HPCAL1: variants seen among roughly 807,000 people sequenced by gnomAD.
The protein encoded by HPCAL1 is hippocalcin-like protein 1.
HPCAL1 carries 8 observed loss-of-function variants against 17.1 expected under a neutral mutation model. That is an observed-to-expected ratio of 0.47 (90% CI 0.27 to 0.84). The LOEUF (loss-of-function observed/expected upper bound fraction) is 0.84, where lower values mean the gene tolerates loss of function less well. Ranked by LOEUF, HPCAL1 falls within the 40% of genes least tolerant of loss-of-function variation. HPCAL1 has a pLI of 0.13. For synonymous variants in HPCAL1, 112 were observed against 111.4 expected (o/e 1.01, Z -0.03); for missense variants, 165 against 271.1 (o/e 0.61, Z 2.75).
intron 1 of HPCAL1, among the ~76,000 whole-genome samples, chr2:10,332,850 G>A (rs1251348432): frequency 5.9e-5 from 9 of 152,160 alleles, no homozygotes; most frequent in African/African-American, 1.2e-4. Flanking sequence ...TGTGAAGGGC[G>A]TGAGAGGCTC....
In HPCAL1 at chr2:10,377,958, G is replaced by A. The variant is rs989268224; in HGVS notation, c.-110-18877G>A. 2.6e-5 allele frequency among the ~76,000 whole-genome samples: 4 copies of A among 152,166 alleles called. No homozygotes were observed. The highest frequency in any genetic ancestry group is 1.3e-4 in the Admixed American group (2 of 15,290). ...TGCTGGTTGAGGGCACGGGTGAGGC[G>A]GGGAGGCGTTTCGACTTTGGACTGA... On this transcript the variant is annotated intron_variant, in intron 1 of 4. Transcript: ENST00000307845. The surrounding 1 kb of genome is among the most constrained non-coding windows in gnomAD (Gnocchi z 5.9).
rs1253024630 is a variant in HPCAL1 at position 10,394,045 on chromosome 2, G to T, written c.-110-2790G>T. Among the ~76,000 whole-genome samples, 1 of 152,028 alleles carries T rather than the reference G, an allele frequency of 6.6e-6. No individual in the cohort carries two copies. The highest frequency in any genetic ancestry group is 1.9e-4 in the East Asian group (1 of 5,198). On this transcript the variant is annotated intron_variant, in intron 1 of 4. Transcript: ENST00000307845. This position sits in a 1 kb window ranked among gnomAD's most constrained non-coding sequence, Gnocchi z 5.0. ...CTGGAGGATTGCTTGAGCCTGGGAG[G>T]TTGAGGCTGCAGTGAGCTTTGATTG...
In HPCAL1 at chr2:10,314,939, G is replaced by A. The variant is rs189070902; in HGVS notation, c.-111+11762G>A. Among the ~76,000 whole-genome samples the A allele has an allele frequency of 8.7e-3, 1,327 of 152,272 alleles. 10 individuals carry two copies. The highest frequency in any genetic ancestry group is 0.043 in the South Asian group (208 of 4,826). On this transcript the variant is annotated intron_variant, in intron 1 of 4. Coordinates refer to ENST00000307845, the MANE Select transcript of HPCAL1 (RefSeq NM_002149.4). ...AGTAGGTAGTAGATGTAGGTATAAA[G>A]AGACTGAAAATCAGCTGTTTAAACA...
At chr2:10,414,090 A>T (rs1280305980) in intron 2 of HPCAL1, among the ~76,000 whole-genome samples, 3 of 152,226 alleles carry the variant, frequency 2.0e-5, no homozygotes, top group Non-Finnish European at 4.4e-5. Context: ...GGGCTCTCCC[A>T]GGGTTGGTTT....
rs1401431107 is a variant in HPCAL1 at position 10,330,869 on chromosome 2, A to G, written c.-111+27692A>G. Reference sequence around the variant, plus strand: ...ACCCCGATCATCTTTGTGAGAATGCAGGTTCCCAGGCCCACACCGTGCTGG... The same window carrying G: ...ACCCCGATCATCTTTGTGAGAATGCGGGTTCCCAGGCCCACACCGTGCTGG... On this transcript the variant is annotated intron_variant, in intron 1 of 4. Coordinates refer to ENST00000307845, the MANE Select transcript of HPCAL1 (RefSeq NM_002149.4). The surrounding 1 kb of genome is among the most constrained non-coding windows in gnomAD (Gnocchi z 4.2). Among the ~76,000 whole-genome samples the G allele has an allele frequency of 6.6e-6, 1 of 152,160 alleles. No individual in the cohort carries two copies. The highest frequency in any genetic ancestry group is 6.5e-5 in the Admixed American group (1 of 15,288).
At chr2:10,423,348 A>G in intron 4 of HPCAL1, 1 of 476,186 alleles carries the variant, frequency 2.1e-6, no homozygotes, top group Non-Finnish European at 3.9e-6. Context: ...CACTTATAGA[A>G]TCGGGCATAC....
chr2:10,333,993 A>G (rs1205367125), intron 1 of HPCAL1, among the ~76,000 whole-genome samples: 1 of 152,130 alleles, frequency 6.6e-6, no homozygotes, highest in African/African-American at 2.4e-5. Flanking sequence ...ATTTTGATTG[A>G]TTGTACTATA....
At chr2:10,319,155 A>G (rs1164317924) in intron 1 of HPCAL1, among the ~76,000 whole-genome samples, 1 of 152,158 alleles carries the variant, frequency 6.6e-6, no homozygotes, top group African/African-American at 2.4e-5. Context: ...AGTGTCTGAG[A>G]CTGCAGGTTT....
intron 1 of HPCAL1, among the ~76,000 whole-genome samples, chr2:10,379,126 G>A (rs955107852): frequency 9.9e-5 from 15 of 151,974 alleles, no homozygotes; most frequent in African/African-American, 2.7e-4. Context: ...TCAGGAGTTC[G>A]AGACCAGCCT....
intron 1 of HPCAL1, among the ~76,000 whole-genome samples, chr2:10,351,543 A>C (rs1665841413): frequency 6.6e-6 from 1 of 152,088 alleles, no homozygotes. Flanking sequence ...GGACTGCTTG[A>C]GCTCAGGAGT....
intron 2 of HPCAL1, among the ~76,000 whole-genome samples, chr2:10,409,344 A>T (rs1670180203): frequency 1.3e-5 from 2 of 152,166 alleles, no homozygotes; most frequent in South Asian, 4.1e-4. Flanking sequence ...ATGGTCCCAG[A>T]TGCATCGGCT....
chr2:10,388,634 C>A (rs924147731), intron 1 of HPCAL1, among the ~76,000 whole-genome samples: 1 of 152,208 alleles, frequency 6.6e-6, no homozygotes, highest in Non-Finnish European at 1.5e-5. Flanking sequence ...TTGTAGCACT[C>A]TCTGGTTTTC....
chr2:10,339,815 C>T lies in HPCAL1; in HGVS notation c.-111+36638C>T, dbSNP rs1664958632. ...GTTCATGCCCGGCAGGACGTAGCAACAGGGCTGGCGAAACGGAGGCCCCAG... is the reference window on the plus strand; with the variant it reads ...GTTCATGCCCGGCAGGACGTAGCAATAGGGCTGGCGAAACGGAGGCCCCAG... On this transcript the variant is annotated intron_variant, in intron 1 of 4. Coordinates refer to ENST00000307845, the MANE Select transcript of HPCAL1 (RefSeq NM_002149.4). 4.6e-5 allele frequency among the ~76,000 whole-genome samples: 7 copies of T among 152,348 alleles called. 1 individual carries two copies. The South Asian group carries it at 1.4e-3, about 32-fold the overall frequency.
chr2:10,395,460 G>A lies in HPCAL1; in HGVS notation c.-110-1375G>A, dbSNP rs1220737668. 6.6e-6 allele frequency among the ~76,000 whole-genome samples: 1 copy of A among 152,116 alleles called. No individual in the cohort carries two copies. Among genetic ancestry groups the A allele is most frequent in the African/African-American group, 2.4e-5 (1 of 41,406 alleles). The stretch of plus-strand genomic sequence containing the variant: ...CTGACCTTGTGGCGCTCACAGTCAG[G>A]GGGGTGGGTTGGTGGGTGGGTGGAA... On this transcript the variant is annotated intron_variant, in intron 1 of 4. Coordinates refer to ENST00000307845, the MANE Select transcript of HPCAL1 (RefSeq NM_002149.4). This position sits in a 1 kb window ranked among gnomAD's most constrained non-coding sequence, Gnocchi z 4.4.
chr2:10,312,478 T>G (rs1045991932), intron 1 of HPCAL1, among the ~76,000 whole-genome samples: 2 of 148,216 alleles, frequency 1.3e-5, no homozygotes, highest in Non-Finnish European at 3.0e-5. Flanking sequence ...TCATCATTAC[T>G]GTCATCATCA....
At position 10,394,634 on chromosome 2, in the gene HPCAL1, C is replaced by T. The variant is rs533443622; in HGVS notation, c.-110-2201C>T. Among the ~76,000 whole-genome samples the T allele has an allele frequency of 6.6e-6, 1 of 152,076 alleles. No homozygotes were observed. Among genetic ancestry groups the T allele is most frequent in the African/African-American group, 2.4e-5 (1 of 41,414 alleles). ...GGGAACCCTAACGTGAGCTGCGGAC[C>T]TGGGGGGTGATGATGGTCAGTGCAG... On this transcript the variant is annotated intron_variant, in intron 1 of 4. Transcript: ENST00000307845. The surrounding 1 kb of genome is among the most constrained non-coding windows in gnomAD (Gnocchi z 5.0).
At chr2:10,338,097 C>G (rs1399084807) in intron 1 of HPCAL1, among the ~76,000 whole-genome samples, 1 of 152,082 alleles carries the variant, frequency 6.6e-6, no homozygotes, top group Non-Finnish European at 1.5e-5. Flanking sequence ...ACCACATATT[C>G]TATCATTCTG....
Position 10,365,610 on chromosome 2 carries a change from A to T in HPCAL1, c.-110-31225A>T, listed in dbSNP as rs1666800370. ...GTTATGATGTCCCGCCCAACCCCCG[A>T]CCGCACACCTCCCTCCCCCTTAGCT... is the stretch of plus-strand genomic sequence containing the variant. On this transcript the variant is annotated intron_variant, in intron 1 of 4. Coordinates refer to ENST00000307845, the MANE Select transcript of HPCAL1 (RefSeq NM_002149.4). The surrounding 1 kb of genome is among the most constrained non-coding windows in gnomAD (Gnocchi z 4.8). 6.6e-6 allele frequency among the ~76,000 whole-genome samples: 1 copy of T among 150,866 alleles called. No homozygotes were observed. The highest frequency in any genetic ancestry group is 1.5e-5 in the Non-Finnish European group (1 of 67,732).
Position 10,407,807 on chromosome 2 carries a change from G to C in HPCAL1, c.-25+10887G>C, listed in dbSNP as rs149925486. Among the ~76,000 whole-genome samples the C allele has an allele frequency of 3.8e-3, 582 of 152,324 alleles. 1 individual carries two copies. Among genetic ancestry groups the C allele is most frequent in the Middle Eastern group, 0.01 (3 of 294 alleles). On this transcript the variant is annotated intron_variant, in intron 2 of 4. Transcript: ENST00000307845. ...CACGCTGAGCAGCTTCTCTGACTGG[G>C]ACAAATGAAGGATTCTCCTTCCCCC...
Sources: gnomAD v4.1 joint callset for allele counts (sites outside exome capture counted in the v4.1 genomes callset) on GRCh38, gnomAD v4.1.1 for gene constraint, Gnocchi (gnomAD v3.1) non-coding constraint, MANE v1.5 for transcripts, NCBI Gene and HGNC (gene_info 2026-07-23, HGNC 2026-07-21) for gene names.